RHOBTB3: variants seen among roughly 807,000 people sequenced by gnomAD.
The protein encoded by RHOBTB3 is Rho related BTB domain containing 3.
Under a neutral mutation model 67.2 loss-of-function variants are expected in RHOBTB3, and 47 were observed. The ratio of observed to expected loss-of-function variants is 0.70; its 90% confidence interval spans 0.55 to 0.89. The LOEUF is 0.89. Ranked by LOEUF, RHOBTB3 falls within the 40% of genes least tolerant of loss-of-function variation. The pLI is 0.00. For missense variants in RHOBTB3, 631 were observed against 750.0 expected, an observed-to-expected ratio of 0.84 and a Z score of 1.85; for synonymous variants, 273 against 274.2, an observed-to-expected ratio of 1.00 and a Z score of 0.04.
intron 6 of RHOBTB3, 145 bp downstream of exon 6, chr5:95,755,906 C>G: frequency 1.3e-6 from 1 of 780,176 alleles, no homozygotes; most frequent in Non-Finnish European, 2.0e-6. Context: ...ATATTATTTG[C>G]TTTATATATA....
rs1745715609 is a variant in RHOBTB3 at position 95,771,571 on chromosome 5, G to A, written c.1282+3405G>A. Among the ~76,000 whole-genome samples, 3 of 152,160 alleles carry A rather than the reference G, an allele frequency of 2.0e-5. No homozygotes were observed. In the South Asian group the frequency reaches 6.2e-4, roughly 32 times the overall value. ...GACACAGACTTTATATCATGCTTTC[G>A]TCATTTTAGAGAGACCTATAACTGG... On this transcript the variant is annotated intron_variant, in intron 8 of 11. Transcript: ENST00000379982.
rs1265629449 is a variant in RHOBTB3, at chr5:95,780,441, G to A, written c.1456+16G>A. The A allele has an allele frequency of 6.2e-7, 1 of 1,605,406 alleles. No homozygotes were observed. Among genetic ancestry groups the A allele is most frequent in the Admixed American group, 1.7e-5 (1 of 59,806 alleles). On this transcript the variant is annotated intron_variant, in intron 9 of 11. Coordinates refer to ENST00000379982, the MANE Select transcript of RHOBTB3 (RefSeq NM_014899.4). The stretch of plus-strand genomic sequence containing the variant: ...TGCTGCCCAGGTTAGCAATACAAAT[G>A]TTGATAGTATCTCAGAATTCTTTCT...
intron 8 of RHOBTB3, among the ~76,000 whole-genome samples, chr5:95,776,625 A>T (rs934026338): frequency 6.6e-6 from 1 of 152,180 alleles, no homozygotes; most frequent in African/African-American, 2.4e-5. Context: ...TTAGACCAGA[A>T]CTGATATACT....
At chr5:95,744,633 C>T (rs1464864623) in intron 3 of RHOBTB3, among the ~76,000 whole-genome samples, 1 of 152,112 alleles carries the variant, frequency 6.6e-6, no homozygotes, top group Non-Finnish European at 1.5e-5. Flanking sequence ...AATTACAAAG[C>T]TAAATCTGGC....
intron 3 of RHOBTB3, among the ~76,000 whole-genome samples, chr5:95,744,653 C>T (rs773201228): frequency 2.6e-5 from 4 of 152,244 alleles, no homozygotes; most frequent in East Asian, 1.9e-4. Context: ...CTATTCAACT[C>T]GAGGACCTAT....
At chr5:95,719,022 A>G (rs2112742321) in intron 1 of RHOBTB3, among the ~76,000 whole-genome samples, 1 of 152,318 alleles carries the variant, frequency 6.6e-6, no homozygotes, top group Admixed American at 6.5e-5. Flanking sequence ...AAGGAGGTAT[A>G]AAGTGGAGGG....
At chr5:95,767,952 A>C in intron 7 of RHOBTB3, 94 bp from the exon 8 acceptor site, 2 of 1,171,144 alleles carry the variant, frequency 1.7e-6, no homozygotes, top group Non-Finnish European at 2.6e-6. Flanking sequence ...ATTTCTTTTG[A>C]GATTTAGCAT....
intron 11 of RHOBTB3, among the ~76,000 whole-genome samples, chr5:95,792,830 T>C (rs891780249): frequency 1.3e-4 from 19 of 151,722 alleles, no homozygotes. Flanking sequence ...AATGAAATAC[T>C]ACTCGAAGTA....
intron 11 of RHOBTB3, chr5:95,789,093 C>A: frequency 2.6e-6 from 1 of 388,852 alleles, no homozygotes; most frequent in Middle Eastern, 6.7e-4. Flanking sequence ...TAGCTCCATC[C>A]GTTTTTAAAT....
In RHOBTB3 at chr5:95,794,176, C is replaced by T; in HGVS notation, c.*1002C>T. On this transcript the variant is annotated 3_prime_UTR_variant, in exon 12 of 12. Coordinates refer to ENST00000379982, the MANE Select transcript of RHOBTB3 (RefSeq NM_014899.4). ...GTGTTGTGTTGTCTTAGCTTTAAAA[C>T]AGTCACAGTTCTTGCTCTATCATAG... is the stretch of plus-strand genomic sequence containing the variant. 5.3e-6 allele frequency: 2 copies of T among 378,898 alleles called. No homozygotes were observed. The highest frequency in any genetic ancestry group is 1.5e-4 in the East Asian group (2 of 13,762). The allele number at this position is 378,898 out of a possible 1,614,324, so 23.5% of individuals were successfully genotyped here. A position where few individuals can be genotyped will look rare whatever the true frequency, so the allele number is the denominator to read the frequency against.
chr5:95,793,144 C>T lies in RHOBTB3; in HGVS notation c.1806C>T (p.His602=), dbSNP rs775813171. 6.2e-7 allele frequency: 1 copy of T among 1,612,218 alleles called. No individual in the cohort carries two copies. The highest frequency in any genetic ancestry group is 2.2e-5 in the East Asian group (1 of 44,758). The part of the protein sequence containing the change: ...KQLAEYRKYI[H]SRKCRCLVM ...TTGCGGAATACAGGAAGTATATTCA[C>T]TCCCGGAAATGTCGTTGCTTAGTAA... The change falls in exon 12 of 12, where the codon CAC becomes CAT. Residue 602 remains histidine, a synonymous_variant. Coordinates refer to ENST00000379982, the MANE Select transcript of RHOBTB3 (RefSeq NM_014899.4).
intron 8 of RHOBTB3, chr5:95,769,889 CT>C: frequency 3.0e-6 from 1 of 332,056 alleles, no homozygotes; most frequent in South Asian, 2.8e-5. Context: ...CTCTATGAAC[CT>C]TCCTTTTGAA....
chr5:95,792,398 AAAAAGAAAAG>A lies in RHOBTB3; in HGVS notation c.1721-636_1721-627del, dbSNP rs61678250. Among the ~76,000 whole-genome samples the A allele has an allele frequency of 5.4e-3, 704 of 129,698 alleles. 5 individuals carry two copies. Among genetic ancestry groups the A allele is most frequent in the Middle Eastern group, 0.013 (3 of 234 alleles). 85.1% of individuals were successfully genotyped at this position (129,698 alleles called of 152,430 possible). A position where few individuals can be genotyped will look rare whatever the true frequency, so the allele number is the denominator to read the frequency against. On this transcript the variant is annotated intron_variant, in intron 11 of 11. Transcript: ENST00000379982. ...CAAGACTCCGTCTCAGAAAAAAAAA[AAAAAGAAAAG>A]AAAAGAAAAGAAAAGAAAAGAAAAC...
chr5:95,783,314 A>G lies in RHOBTB3; in HGVS notation c.1457-483A>G, dbSNP rs566468489. Among the ~76,000 whole-genome samples, 15 of 151,390 alleles carry G rather than the reference A, an allele frequency of 9.9e-5. No homozygotes were observed. The East Asian group carries it at 1.2e-3, about 12-fold the overall frequency. On this transcript the variant is annotated intron_variant, in intron 9 of 11. Coordinates refer to ENST00000379982, the MANE Select transcript of RHOBTB3 (RefSeq NM_014899.4). ...TTTTTTTTTATTTTTAGTAGAGATG[A>G]GGTTTCACCATGTCCGCCAGGATGG... is the stretch of plus-strand genomic sequence containing the variant.
chr5:95,748,937 G>C (rs1356006440), intron 4 of RHOBTB3, among the ~76,000 whole-genome samples: 1 of 152,104 alleles, frequency 6.6e-6, no homozygotes, highest in African/African-American at 2.4e-5. Context: ...TCCTAATCTT[G>C]TTGTGGCTCA....
At chr5:95,773,883 T>C (rs1317154881) in intron 8 of RHOBTB3, among the ~76,000 whole-genome samples, 1 of 152,216 alleles carries the variant, frequency 6.6e-6, no homozygotes, top group Non-Finnish European at 1.5e-5. Context: ...CCTTTGGAAT[T>C]CTTCCAAAAT....
intron 2 of RHOBTB3, chr5:95,732,693 A>G (rs984692440): frequency 8.0e-6 from 1 of 125,702 alleles, no homozygotes; most frequent in African/African-American, 2.8e-5. Context: ...CAGAAATAAC[A>G]TTACTAATGT....
chr5:95,782,311 AC>A (rs1211603349), intron 9 of RHOBTB3: 2 of 152,164 alleles, frequency 1.3e-5, no homozygotes, highest in Non-Finnish European at 2.9e-5. Context: ...TACATGAAAA[AC>A]CAGATTTCTA....
chr5:95,726,193 T>G (rs1002490627), upstream of RHOBTB3, among the ~76,000 whole-genome samples: 3 of 152,234 alleles, frequency 2.0e-5, no homozygotes, highest in Admixed American at 1.3e-4. Context: ...GTGAATATTC[T>G]CAAGGTATTT....
Sources: allele counts gnomAD v4.1 joint callset (sites outside exome capture counted in the v4.1 genomes callset), GRCh38; gene constraint gnomAD v4.1.1; transcripts MANE v1.5; gene names NCBI Gene and HGNC (gene_info 2026-07-23, HGNC 2026-07-21).